ANGPT1: variants seen among roughly 807,000 people sequenced by gnomAD.
ANGPT1 encodes the protein angiopoietin 1.
A neutral mutation model predicts 62.2 loss-of-function variants in ANGPT1; 17 were observed. The observed-to-expected ratio is 0.27, with a 90% confidence interval of 0.19 to 0.41. The LOEUF is 0.41. Ranked by LOEUF, ANGPT1 falls within the 10% of genes least tolerant of loss-of-function variation. The pLI, the probability that ANGPT1 is intolerant of heterozygous loss-of-function variation, is 1.00. For missense variants in ANGPT1, 478 were observed against 594.9 expected (o/e 0.80, Z 2.04); for synonymous variants, 199 against 198.9 (o/e 1.00, Z 0.00).
At chr8:107,390,134 C>T (rs970912459) in intron 1 of ANGPT1, among the ~76,000 whole-genome samples, 3 of 152,138 alleles carry the variant, frequency 2.0e-5, no homozygotes, top group East Asian at 1.9e-4. Context: ...ATTTTTAACA[C>T]ATCATTCACT....
At chr8:107,467,199 AC>A (rs1812227173) in intron 1 of ANGPT1, among the ~76,000 whole-genome samples, 1 of 151,962 alleles carries the variant, frequency 6.6e-6, no homozygotes, top group African/African-American at 2.4e-5. Context: ...TACCCCAATT[AC>A]CTTTATCGAT....
At chr8:107,387,099 C>T (rs2130291496) in intron 1 of ANGPT1, among the ~76,000 whole-genome samples, 1 of 152,140 alleles carries the variant, frequency 6.6e-6, no homozygotes, top group South Asian at 2.1e-4. Flanking sequence ...GTGTGCACAG[C>T]ACTGTGAAAA....
At chr8:107,448,888 G>A (rs994538442) in intron 1 of ANGPT1, among the ~76,000 whole-genome samples, 3 of 152,026 alleles carry the variant, frequency 2.0e-5, no homozygotes, top group African/African-American at 4.8e-5. Flanking sequence ...TGCCTATCAC[G>A]GGCCAAGTTT....
intron 1 of ANGPT1, among the ~76,000 whole-genome samples, chr8:107,385,575 A>G (rs1181046219): frequency 6.6e-6 from 1 of 152,114 alleles, no homozygotes; most frequent in Non-Finnish European, 1.5e-5. Context: ...ATCATCTGCA[A>G]AGAAAGATAG....
At chr8:107,271,007 A>G (rs1308339333) in intron 7 of ANGPT1, among the ~76,000 whole-genome samples, 1 of 152,056 alleles carries the variant, frequency 6.6e-6, no homozygotes, top group Non-Finnish European at 1.5e-5. Flanking sequence ...TTGGTACAAA[A>G]TAAGTACGAA....
chr8:107,353,758 A>C (rs1424600211), intron 1 of ANGPT1, among the ~76,000 whole-genome samples: 1 of 152,210 alleles, frequency 6.6e-6, no homozygotes, highest in Non-Finnish European at 1.5e-5. Flanking sequence ...GCCTGGTGCC[A>C]AATGCTACAG....
intron 1 of ANGPT1, among the ~76,000 whole-genome samples, chr8:107,451,128 T>TA (rs1354493897): frequency 6.6e-6 from 1 of 151,786 alleles, no homozygotes; most frequent in African/African-American, 2.4e-5. Flanking sequence ...TTTCTTAAAT[T>TA]AAAAAAATAC....
intron 1 of ANGPT1, among the ~76,000 whole-genome samples, chr8:107,376,656 C>T (rs1446022918): frequency 1.3e-5 from 2 of 152,162 alleles, no homozygotes; most frequent in East Asian, 1.9e-4. Context: ...ACGGTAAGGC[C>T]TAGCCAAACT....
chr8:107,345,445 T>G (rs1322529578), intron 2 of ANGPT1, among the ~76,000 whole-genome samples: 2 of 152,106 alleles, frequency 1.3e-5, no homozygotes, highest in Non-Finnish European at 2.9e-5. Context: ...CTCCAACTGC[T>G]AGGTAGACAG....
At chr8:107,281,388 CA>C (rs1813999771) in intron 7 of ANGPT1, among the ~76,000 whole-genome samples, 1 of 151,960 alleles carries the variant, frequency 6.6e-6, no homozygotes, top group African/African-American at 2.4e-5. Context: ...AAATATAAAA[CA>C]AAAACCTAGT....
intron 1 of ANGPT1, among the ~76,000 whole-genome samples, chr8:107,380,705 T>C (rs1274725763): frequency 6.6e-6 from 1 of 152,166 alleles, no homozygotes; most frequent in Non-Finnish European, 1.5e-5. Context: ...AATGGACCTA[T>C]TGCTTTCTGA....
At chr8:107,461,404 C>G (rs984642342) in intron 1 of ANGPT1, among the ~76,000 whole-genome samples, 2 of 152,086 alleles carry the variant, frequency 1.3e-5, no homozygotes, top group African/African-American at 4.8e-5. Flanking sequence ...CCTCTTAATT[C>G]TTACTATTAA....
intron 3 of ANGPT1, among the ~76,000 whole-genome samples, chr8:107,324,273 T>G (rs1815233378): frequency 6.6e-6 from 1 of 151,598 alleles, no homozygotes. Flanking sequence ...AATGTGGCCT[T>G]ATTTAGAAAC....
intron 4 of ANGPT1, among the ~76,000 whole-genome samples, chr8:107,315,931 TCTC>T (rs1246540336): frequency 1.3e-5 from 2 of 152,152 alleles, no homozygotes; most frequent in Non-Finnish European, 2.9e-5. Context: ...AAATCATTGT[TCTC>T]CTTCTAGAAT....
chr8:107,301,455 T>G (rs1160589072), intron 5 of ANGPT1, among the ~76,000 whole-genome samples: 1 of 151,412 alleles, frequency 6.6e-6, no homozygotes, highest in Non-Finnish European at 1.5e-5. Context: ...GTTTATGATG[T>G]GTGTGTGTGT....
chr8:107,376,463 A>G (rs568610998), intron 1 of ANGPT1, among the ~76,000 whole-genome samples: 12 of 152,306 alleles, frequency 7.9e-5, no homozygotes, highest in African/African-American at 2.9e-4. Flanking sequence ...GGGAGGAGGA[A>G]GAAAGGAATT....
At chr8:107,267,846 A>AC (rs373493717) in intron 7 of ANGPT1, among the ~76,000 whole-genome samples, 44 of 151,774 alleles carry the variant, frequency 2.9e-4, no homozygotes, top group African/African-American at 1.0e-3. Context: ...CTCCAGCCTT[A>AC]CCCACTCACT....
In ANGPT1 at chr8:107,422,243, T is replaced by G. The variant is rs78245814; in HGVS notation, c.297+75019A>C. Among the ~76,000 whole-genome samples, 338 of 152,278 alleles carry G rather than the reference T, an allele frequency of 2.2e-3. 1 individual carries two copies. Among genetic ancestry groups the G allele is most frequent in the African/African-American group, 7.7e-3 (322 of 41,560 alleles). On this transcript the variant is annotated intron_variant, in intron 1 of 8. Coordinates refer to ENST00000517746, the MANE Select transcript of ANGPT1 (RefSeq NM_001146.5). The stretch of plus-strand genomic sequence containing the variant: ...TATTATGCAGTTACATGGCAAGCAA[T>G]CTGATTCCCCATTTAAACTTGTCGG...
chr8:107,350,383 C>T (rs901687372), intron 1 of ANGPT1, among the ~76,000 whole-genome samples: 3 of 151,978 alleles, frequency 2.0e-5, no homozygotes, highest in African/African-American at 7.2e-5. Context: ...TAGTCTGTTC[C>T]CAGAGTTTGA....
Sources: allele counts gnomAD v4.1 joint callset (sites outside exome capture counted in the v4.1 genomes callset), GRCh38; gene constraint gnomAD v4.1.1; transcripts MANE v1.5; gene names NCBI Gene and HGNC (gene_info 2026-07-23, HGNC 2026-07-21).